Variants in NBAS observed in about 807,000 individuals in gnomAD.
NBAS encodes NBAS subunit of NRZ tethering complex.
Under a neutral mutation model 302.5 loss-of-function variants are expected in NBAS, and 219 were observed. That is an observed-to-expected ratio of 0.72 (90% CI 0.65 to 0.81). NBAS has a LOEUF of 0.81. NBAS is among the 30% of genes least tolerant of loss of function. The pLI is 0.00. For missense variants in NBAS, 2,932 were observed against 2,841.6 expected (o/e 1.03, Z -0.72); for synonymous variants, 1,118 against 1,021.6 (o/e 1.09, Z -1.80).
chr2:15,208,068 T>A (rs575967924), intron 48 of NBAS, among the ~76,000 whole-genome samples: 1 of 152,322 alleles, frequency 6.6e-6, no homozygotes, highest in Non-Finnish European at 1.5e-5. Context: ...AAGAAAGAGA[T>A]AGGCCTTGTA....
chr2:14,857,264 A>T, the NBAS span, among the ~76,000 whole-genome samples: 1 of 152,340 alleles, frequency 6.6e-6, no homozygotes, highest in South Asian at 2.1e-4. Flanking sequence ...CAATCTACAG[A>T]TTCAATGCAC....
chr2:15,182,859 A>G (rs1436748311), intron 50 of NBAS, among the ~76,000 whole-genome samples: 1 of 152,186 alleles, frequency 6.6e-6, no homozygotes, highest in Non-Finnish European at 1.5e-5. Context: ...CAGGAGCAAC[A>G]GCAGGAGTCA....
At chr2:15,168,528 C>T (rs1043298861) in intron 51 of NBAS, among the ~76,000 whole-genome samples, 2 of 152,256 alleles carry the variant, frequency 1.3e-5, no homozygotes, top group Admixed American at 1.3e-4. Flanking sequence ...CTTTAACTCT[C>T]TTGGCCAATA....
intron 12 of NBAS, among the ~76,000 whole-genome samples, chr2:15,484,190 G>A (rs916705742): frequency 6.6e-6 from 1 of 152,134 alleles, no homozygotes; most frequent in Non-Finnish European, 1.5e-5. Flanking sequence ...AATGAACTGC[G>A]TGACTCCAGG....
At chr2:15,034,006 G>A in the NBAS span, among the ~76,000 whole-genome samples, 4 of 46,516 alleles carry the variant, frequency 8.6e-5, no homozygotes, top group African/African-American at 6.3e-4. Flanking sequence ...AGAAGAAGAA[G>A]AAGAAGAAGA....
rs544686247 is a variant in NBAS at position 15,389,735 on chromosome 2, T to C, written c.3257+4492A>G. On this transcript the variant is annotated intron_variant, in intron 28 of 51. Coordinates refer to ENST00000281513, the MANE Select transcript of NBAS (RefSeq NM_015909.4). ...GACATCAGGCAATGAAAGACAGTGA[T>C]CCCTGAGAGATAAAAACAAGTCTTT... 7.2e-5 allele frequency among the ~76,000 whole-genome samples: 11 copies of C among 152,268 alleles called. No individual in the cohort carries two copies. In the South Asian group the frequency reaches 2.3e-3, roughly 32 times the overall value.
chr2:14,909,075 G>A, the NBAS span, among the ~76,000 whole-genome samples: 3 of 152,196 alleles, frequency 2.0e-5, no homozygotes, highest in Non-Finnish European at 2.9e-5. Context: ...GCTTACGCTC[G>A]TAATCCCAGC....
chr2:14,977,223 AAG>A, the NBAS span, among the ~76,000 whole-genome samples: 1 of 152,212 alleles, frequency 6.6e-6, no homozygotes, highest in Non-Finnish European at 1.5e-5. Flanking sequence ...TGTAGCCAAA[AAG>A]AGAGAGAGAT....
chr2:15,330,455 C>A (rs1360364849), intron 36 of NBAS, 143 bp downstream of exon 36: 2 of 1,041,138 alleles, frequency 1.9e-6, no homozygotes. Context: ...TACTCCCTAT[C>A]TGATGAGAGG....
At chr2:15,236,164 C>T (rs959099415) in intron 45 of NBAS, among the ~76,000 whole-genome samples, 1 of 152,070 alleles carries the variant, frequency 6.6e-6, no homozygotes, top group Admixed American at 6.5e-5. Flanking sequence ...GAACGGTACT[C>T]ACAAGTAGCT....
the NBAS span, among the ~76,000 whole-genome samples, chr2:15,014,452 A>G: frequency 2.4e-4 from 36 of 152,194 alleles, no homozygotes; most frequent in African/African-American, 8.2e-4. Flanking sequence ...ACAATGGAAT[A>G]AAATTAGAAA....
At chr2:14,796,738 T>C in the NBAS span, among the ~76,000 whole-genome samples, 6 of 151,868 alleles carry the variant, frequency 4.0e-5, no homozygotes, top group South Asian at 1.2e-3. Context: ...AGAACTTCTA[T>C]TCCTGTTTGC....
intron 48 of NBAS, among the ~76,000 whole-genome samples, chr2:15,193,313 T>C (rs1487000930): frequency 6.6e-6 from 1 of 152,182 alleles, no homozygotes; most frequent in Non-Finnish European, 1.5e-5. Context: ...TACTCCATCA[T>C]ATCAAAGCGT....
the NBAS span, among the ~76,000 whole-genome samples, chr2:15,012,940 T>A: frequency 6.6e-6 from 1 of 152,052 alleles, no homozygotes; most frequent in African/African-American, 2.4e-5. Context: ...TCACTGCAAC[T>A]TCTGCCTCCC....
the NBAS span, among the ~76,000 whole-genome samples, chr2:15,034,148 G>T: frequency 7.0e-6 from 1 of 142,112 alleles, no homozygotes; most frequent in Non-Finnish European, 1.5e-5. Context: ...GAGAGAAAGA[G>T]GGAGGAGGAG....
chr2:14,974,396 T>A, the NBAS span, among the ~76,000 whole-genome samples: 1 of 152,162 alleles, frequency 6.6e-6, no homozygotes, highest in African/African-American at 2.4e-5. Flanking sequence ...CCAGAGAAAA[T>A]GACTTTGCTG....
At chr2:15,317,603 T>G (rs1218703824) in intron 38 of NBAS, among the ~76,000 whole-genome samples, 2 of 152,146 alleles carry the variant, frequency 1.3e-5, no homozygotes, top group African/African-American at 2.4e-5. Flanking sequence ...TCATGATGCA[T>G]GCACAAGCTT....
At chr2:15,282,500 AG>A (rs1351198045) in intron 42 of NBAS, among the ~76,000 whole-genome samples, 7 of 152,186 alleles carry the variant, frequency 4.6e-5, no homozygotes, top group Admixed American at 4.6e-4. Flanking sequence ...ATCCTACTAA[AG>A]AATATGAAAT....
rs181959519 is a variant in NBAS at position 15,555,330 on chromosome 2, T to C, written c.210-1192A>G. Among the ~76,000 whole-genome samples the C allele has an allele frequency of 4.9e-4, 74 of 151,094 alleles. 1 individual carries two copies. Among genetic ancestry groups the C allele is most frequent in the African/African-American group, 1.7e-3 (70 of 41,158 alleles). The stretch of plus-strand genomic sequence containing the variant: ...GCTCATTTTTTAAAACACAAAATAA[T>C]ATCAAAAGACAGTTACAAAAATATA... On this transcript the variant is annotated intron_variant, in intron 3 of 51. Transcript: ENST00000281513.
Sources: allele counts gnomAD v4.1 joint callset (sites outside exome capture counted in the v4.1 genomes callset), GRCh38; gene constraint gnomAD v4.1.1; transcripts MANE v1.5; gene names NCBI Gene and HGNC (gene_info 2026-07-23, HGNC 2026-07-21).